Variants in P2RY12 observed in about 807,000 individuals in gnomAD.
P2RY12 encodes purinergic receptor P2Y12.
A neutral mutation model predicts 4.5 loss-of-function variants in P2RY12; 3 were observed. The ratio of observed to expected loss-of-function variants is 0.67; its 90% CI spans 0.31 to 1.74. The LOEUF is 1.74. P2RY12 is among the 40% of genes most tolerant of loss of function. The pLI is 0.09. For missense variants in P2RY12, 356 were observed against 407.8 expected, an observed-to-expected ratio of 0.87 and a Z score of 1.09; for synonymous variants, 148 against 154.1, an observed-to-expected ratio of 0.96 and a Z score of 0.29.
chr3:151,356,952 T>C (rs549127303), intron 1 of P2RY12, among the ~76,000 whole-genome samples: 9 of 152,170 alleles, frequency 5.9e-5, no homozygotes, highest in Admixed American at 3.9e-4. Flanking sequence ...TTTCTAAAAT[T>C]ATACAGTCCA....
chr3:151,350,230 T>C (rs370507053), intron 1 of P2RY12: 32 of 1,608,180 alleles, frequency 2.0e-5, no homozygotes, highest in Non-Finnish European at 2.4e-5. Flanking sequence ...ATGCATTTGC[T>C]CCCATTGTGT....
intron 1 of P2RY12, chr3:151,360,378 TACCCAAG>T: frequency 8.9e-7 from 1 of 1,122,496 alleles, no homozygotes; most frequent in Admixed American, 2.3e-5. Context: ...TCCTTTTTCT[TACCCAAG>T]TGATACATAT....
intron 1 of P2RY12, among the ~76,000 whole-genome samples, chr3:151,374,327 C>T (rs1454095997): frequency 6.6e-6 from 1 of 152,092 alleles, no homozygotes; most frequent in East Asian, 1.9e-4. Flanking sequence ...GCAGGTGGAT[C>T]ACTTGAGGCC....
chr3:151,351,869 T>C (rs1753279053), intron 1 of P2RY12, among the ~76,000 whole-genome samples: 1 of 152,214 alleles, frequency 6.6e-6, no homozygotes, highest in African/African-American at 2.4e-5. Flanking sequence ...AATGCCACAC[T>C]ATAGTTTGTC....
At chr3:151,367,660 A>C in intron 1 of P2RY12, 1 of 1,605,976 alleles carries the variant, frequency 6.2e-7, no homozygotes, top group Non-Finnish European at 8.5e-7. Flanking sequence ...GTGACCTTTC[A>C]TTCCATGATT....
At chr3:151,347,482 C>CT (rs1232358581) in intron 1 of P2RY12, among the ~76,000 whole-genome samples, 3 of 152,206 alleles carry the variant, frequency 2.0e-5, no homozygotes, top group Non-Finnish European at 4.4e-5. Flanking sequence ...GCTCCAAAGT[C>CT]TACTTCCCCT....
intron 1 of P2RY12, chr3:151,384,055 A>C: frequency 6.3e-7 from 1 of 1,598,756 alleles, no homozygotes; most frequent in South Asian, 1.1e-5. Context: ...TTTCACTTTA[A>C]GATGAAAATA....
chr3:151,363,811 A>G (rs1212306630), intron 1 of P2RY12, among the ~76,000 whole-genome samples: 1 of 152,148 alleles, frequency 6.6e-6, no homozygotes, highest in Non-Finnish European at 1.5e-5. Context: ...TATATTTTTA[A>G]CAAACACCCC....
chr3:151,375,869 T>G (rs1408037428), intron 1 of P2RY12, among the ~76,000 whole-genome samples: 2 of 152,084 alleles, frequency 1.3e-5, no homozygotes, highest in Non-Finnish European at 2.9e-5. Flanking sequence ...AAAATTTTGT[T>G]TTTTAAAATT....
At chr3:151,362,066 C>T (rs568575006) in intron 1 of P2RY12, among the ~76,000 whole-genome samples, 2 of 151,602 alleles carry the variant, frequency 1.3e-5, no homozygotes, top group East Asian at 3.9e-4. Context: ...ACCTCGTATC[C>T]AGTTTGTAAA....
intron 1 of P2RY12, chr3:151,376,905 T>C: frequency 6.2e-7 from 1 of 1,612,502 alleles, no homozygotes; most frequent in Non-Finnish European, 8.5e-7. Flanking sequence ...TATCTCTGTA[T>C]GAAATTTTAT....
At chr3:151,368,667 T>TTCATG (rs1560087281) in intron 1 of P2RY12, among the ~76,000 whole-genome samples, 169 of 58,022 alleles carry the variant, frequency 2.9e-3, no homozygotes, top group Non-Finnish European at 4.0e-3. Flanking sequence ...TTCATTTCAT[T>TTCATG]TCATTTCATG....
Position 151,339,863 on chromosome 3 carries a change from C to A in P2RY12, c.-15+733G>T, listed in dbSNP as rs111257271. On this transcript the variant is annotated intron_variant, in intron 2 of 2. Transcript: ENST00000302632. Reference sequence around the variant, plus strand: ...GGGAATTTGAAATGACGTTTGTAATCTTTTTATTTCACCAGAGATAAGTGA... The same window carrying A: ...GGGAATTTGAAATGACGTTTGTAATATTTTTATTTCACCAGAGATAAGTGA... 6.8e-3 allele frequency among the ~76,000 whole-genome samples: 1,031 copies of A among 152,160 alleles called. 10 individuals are homozygous for A. The highest frequency in any genetic ancestry group is 0.024 in the South Asian group (115 of 4,824).
intron 1 of P2RY12, among the ~76,000 whole-genome samples, chr3:151,345,991 T>TA (rs1252765587): frequency 2.0e-5 from 3 of 152,196 alleles, no homozygotes; most frequent in Non-Finnish European, 2.9e-5. Context: ...ACACCCCTTA[T>TA]AGAGGTTGAG....
chr3:151,371,120 G>A (rs1756130586), intron 1 of P2RY12, among the ~76,000 whole-genome samples: 1 of 152,160 alleles, frequency 6.6e-6, no homozygotes, highest in African/African-American at 2.4e-5. Context: ...TATGGGGCTA[G>A]CAGGTACTGT....
At chr3:151,355,797 T>G (rs918710109) in intron 1 of P2RY12, 1 of 1,023,084 alleles carries the variant, frequency 9.8e-7, no homozygotes, top group Non-Finnish European at 1.4e-6. Flanking sequence ...AGTAGAATCA[T>G]GTATAGATTC....
At chr3:151,364,108 G>GTT (rs1754983433) in intron 1 of P2RY12, among the ~76,000 whole-genome samples, 1 of 152,148 alleles carries the variant, frequency 6.6e-6, no homozygotes, top group African/African-American at 2.4e-5. Flanking sequence ...TTTGAGTAGA[G>GTT]AGAGTGAATG....
intron 1 of P2RY12, among the ~76,000 whole-genome samples, chr3:151,355,413 G>A (rs757135050): frequency 1.3e-5 from 2 of 152,090 alleles, no homozygotes; most frequent in Admixed American, 6.5e-5. Flanking sequence ...TGCCTTCCTC[G>A]AAGGATTAAT....
chr3:151,382,878 A>G (rs781654186), intron 1 of P2RY12: 4 of 643,552 alleles, frequency 6.2e-6, no homozygotes, highest in African/African-American at 1.9e-5. Context: ...CTCTGTAATT[A>G]CTTCCCTGTT....
Sources: allele counts gnomAD v4.1 joint callset (sites outside exome capture counted in the v4.1 genomes callset), GRCh38; gene constraint gnomAD v4.1.1; transcripts MANE v1.5; gene names NCBI Gene and HGNC (gene_info 2026-07-23, HGNC 2026-07-21).